Variants in LINGO2 observed in about 807,000 individuals in gnomAD.
LINGO2 encodes the protein leucine-rich repeat and immunoglobulin-like domain-containing nogo receptor-interacting protein 2.
A neutral mutation model predicts 30.6 loss-of-function variants in LINGO2; 14 were observed. The ratio of observed to expected loss-of-function variants is 0.46; its 90% CI spans 0.30 to 0.72. LINGO2 has a LOEUF of 0.72. Among genes scored for constraint, LINGO2 ranks in the 30% least tolerant of loss-of-function variants. The pLI is 0.07. For missense variants in LINGO2, 729 were observed against 751.7 expected (o/e 0.97, Z 0.35); for synonymous variants, 317 against 288.5 (o/e 1.10, Z -1.00).
chr9:28,351,708 T>A (rs1456312892), intron 3 of LINGO2, among the ~76,000 whole-genome samples: 2 of 151,624 alleles, frequency 1.3e-5, no homozygotes, highest in African/African-American at 4.9e-5. Context: ...AAAAGAGAAT[T>A]TTAGACCAAT....
intron 5 of LINGO2, among the ~76,000 whole-genome samples, chr9:28,007,344 G>A (rs986909595): frequency 6.6e-6 from 1 of 152,090 alleles, no homozygotes; most frequent in Admixed American, 6.6e-5. Flanking sequence ...GGTAGAAGAG[G>A]AGGGCAGGAA....
At chr9:28,987,138 C>CCAT in the LINGO2 span, among the ~76,000 whole-genome samples, 1 of 143,670 alleles carries the variant, frequency 7.0e-6, no homozygotes, top group African/African-American at 2.6e-5. Flanking sequence ...ACCTAAGATG[C>CCAT]CATAAGAAGC....
chr9:28,075,482 C>G (rs1004745346), intron 4 of LINGO2, among the ~76,000 whole-genome samples: 4 of 151,918 alleles, frequency 2.6e-5, no homozygotes, highest in Non-Finnish European at 5.9e-5. Flanking sequence ...AGTTAATTAA[C>G]TGTGCCCATT....
At chr9:28,433,940 T>TCTCTCC (rs1823792573) in intron 2 of LINGO2, among the ~76,000 whole-genome samples, 1 of 65,768 alleles carries the variant, frequency 1.5e-5, no homozygotes, top group Non-Finnish European at 4.0e-5. Context: ...TCTCTCTCTC[T>TCTCTCC]CTCTCTCTCT....
chr9:28,589,100 AC>A lies in LINGO2; in HGVS notation c.-365+81099del, dbSNP rs371719983. Among the ~76,000 whole-genome samples, 36 of 152,178 alleles carry A rather than the reference AC, an allele frequency of 2.4e-4. No individual in the cohort carries two copies. The South Asian group carries it at 7.1e-3, about 30-fold the overall frequency. On this transcript the variant is annotated intron_variant, in intron 1 of 5. Transcript: ENST00000379992. ...AAAAGGCCTTTGAGAAAATTCAACA[AC>A]CCTTCATGCTAAAAACTCTCAATAA...
intron 2 of LINGO2, among the ~76,000 whole-genome samples, chr9:28,424,749 C>T (rs1306155499): frequency 6.6e-6 from 1 of 152,108 alleles, no homozygotes; most frequent in Non-Finnish European, 1.5e-5. Context: ...CTTTTATACT[C>T]TGTTTAGCCA....
chr9:28,230,543 TTATTAA>T (rs1297224417), intron 4 of LINGO2, among the ~76,000 whole-genome samples: 2 of 151,852 alleles, frequency 1.3e-5, no homozygotes, highest in Non-Finnish European at 3.0e-5. Context: ...CACCAGCCAG[TTATTAA>T]TATTATGTTT....
chr9:28,787,862 G>A, the LINGO2 span, among the ~76,000 whole-genome samples: 4 of 152,010 alleles, frequency 2.6e-5, no homozygotes, highest in Admixed American at 2.6e-4. Flanking sequence ...AAATTACATG[G>A]TGGAAGCACA....
chr9:28,470,268 TAAAAC>T (rs1210701904), intron 2 of LINGO2, among the ~76,000 whole-genome samples: 4 of 152,162 alleles, frequency 2.6e-5, no homozygotes, highest in Non-Finnish European at 5.9e-5. Flanking sequence ...TTTACCAAAA[TAAAAC>T]AAAGAAAAAC....
At chr9:28,431,522 T>G (rs1019080580) in intron 2 of LINGO2, among the ~76,000 whole-genome samples, 1 of 152,224 alleles carries the variant, frequency 6.6e-6, no homozygotes, top group Non-Finnish European at 1.5e-5. Flanking sequence ...TAGTCAAGAT[T>G]GAAATTATGT....
the LINGO2 span, among the ~76,000 whole-genome samples, chr9:28,795,006 T>A: frequency 6.6e-6 from 1 of 151,912 alleles, no homozygotes; most frequent in African/African-American, 2.4e-5. Context: ...AATTTTCCTG[T>A]TTTTACTAGA....
At chr9:28,480,198 A>C (rs1432198416) in intron 1 of LINGO2, among the ~76,000 whole-genome samples, 1 of 151,714 alleles carries the variant, frequency 6.6e-6, no homozygotes, top group African/African-American at 2.4e-5. Flanking sequence ...CCAATGGGTT[A>C]GTATGGCTCT....
the LINGO2 span, among the ~76,000 whole-genome samples, chr9:28,995,584 C>G: frequency 7.9e-5 from 12 of 151,846 alleles, no homozygotes; most frequent in Middle Eastern, 3.4e-3. Context: ...TGTTTATTGC[C>G]GCACTATTCA....
intron 3 of LINGO2, among the ~76,000 whole-genome samples, chr9:28,372,240 T>C (rs1461506607): frequency 1.3e-5 from 2 of 152,220 alleles, no homozygotes; most frequent in East Asian, 1.9e-4. Flanking sequence ...TTTCTGTCCA[T>C]GAGTGAGGAA....
In LINGO2 at chr9:28,525,722, T is replaced by A. The variant is rs560929346; in HGVS notation, c.-364-49697A>T. Reference sequence around the variant, plus strand: ...TGGTGACATTTTCTAAAACCAGATCTTCATAACTGTCACAAAACTCTAAAA... The same window carrying A: ...TGGTGACATTTTCTAAAACCAGATCATCATAACTGTCACAAAACTCTAAAA... On this transcript the variant is annotated intron_variant, in intron 1 of 5. Coordinates refer to ENST00000379992, the Ensembl canonical transcript of LINGO2. 3.3e-5 allele frequency among the ~76,000 whole-genome samples: 5 copies of A among 152,270 alleles called. No homozygotes were observed. In the South Asian group the frequency reaches 8.3e-4, roughly 25 times the overall value.
downstream of LINGO2, among the ~76,000 whole-genome samples, chr9:27,947,419 G>C (rs780743283): frequency 2.6e-5 from 4 of 152,020 alleles, no homozygotes; most frequent in African/African-American, 4.8e-5. Context: ...ATATTTATGG[G>C]GCTATAACCT....
the LINGO2 span, among the ~76,000 whole-genome samples, chr9:28,830,813 C>T: frequency 6.8e-6 from 1 of 147,874 alleles, no homozygotes; most frequent in Admixed American, 6.6e-5. Flanking sequence ...TGTTCACTTG[C>T]ATCGTGCACA....
chr9:29,062,128 C>T, the LINGO2 span, among the ~76,000 whole-genome samples: 1 of 152,052 alleles, frequency 6.6e-6, no homozygotes, highest in South Asian at 2.1e-4. Context: ...GATACCACTT[C>T]ACATCACTTC....
At chr9:28,969,567 A>G in the LINGO2 span, among the ~76,000 whole-genome samples, 4 of 152,224 alleles carry the variant, frequency 2.6e-5, no homozygotes, top group Non-Finnish European at 4.4e-5. Context: ...GACTAAAAAC[A>G]GGTAGAGGTG....
Sources: allele counts gnomAD v4.1 joint callset (sites outside exome capture counted in the v4.1 genomes callset), GRCh38; gene constraint gnomAD v4.1.1; transcripts MANE v1.5; gene names NCBI Gene and HGNC (gene_info 2026-07-23, HGNC 2026-07-21).